The following FLT1 variants were observed in gnomAD, a reference collection of about 807,000 sequenced individuals.
FLT1 encodes fms related receptor tyrosine kinase 1.
A neutral mutation model predicts 156.3 loss-of-function variants in FLT1; 49 were observed. That is an observed-to-expected ratio of 0.31 (90% confidence interval 0.25 to 0.40). The LOEUF (loss-of-function observed/expected upper bound fraction) is 0.40. Among genes scored for constraint, FLT1 ranks in the 10% least tolerant of loss-of-function variants. The pLI, the probability that FLT1 is intolerant of heterozygous loss-of-function variation, is 1.00. For missense variants in FLT1, 1,322 were observed against 1,637.2 expected (o/e 0.81, Z 3.32); for synonymous variants, 594 against 583.8 (o/e 1.02, Z -0.25).
chr13:28,320,532 G>A (rs1176200762), intron 23 of FLT1, among the ~76,000 whole-genome samples: 2 of 150,684 alleles, frequency 1.3e-5, no homozygotes, highest in East Asian at 1.9e-4. Context: ...AACATGATGA[G>A]ATTTGTTTGC....
intron 29 of FLT1, among the ~76,000 whole-genome samples, chr13:28,304,323 T>C (rs1414145973): frequency 1.3e-5 from 2 of 152,196 alleles, no homozygotes; most frequent in Non-Finnish European, 1.5e-5. Context: ...AACTCAATTC[T>C]AATACCACTG....
At chr13:28,477,429 T>C (rs77445888) in intron 1 of FLT1, among the ~76,000 whole-genome samples, 3,167 of 152,266 alleles carry the variant, frequency 0.021, 120 homozygotes, top group African/African-American at 0.071. Flanking sequence ...AAAAACCACC[T>C]CCATAGAGCT....
At chr13:28,368,587 T>C (rs1226289290) in intron 14 of FLT1, 3 of 1,502,358 alleles carry the variant, frequency 2.0e-6, no homozygotes, top group African/African-American at 1.4e-5. Flanking sequence ...GCTATGATGA[T>C]GATGATGATG....
At chr13:28,327,044 T>C (rs1343500594) in intron 20 of FLT1, among the ~76,000 whole-genome samples, 2 of 152,248 alleles carry the variant, frequency 1.3e-5, no homozygotes, top group African/African-American at 4.8e-5. Flanking sequence ...AGTCACTCAG[T>C]TGATTTAGCC....
intron 25 of FLT1, among the ~76,000 whole-genome samples, chr13:28,312,495 A>G (rs1871045336): frequency 6.6e-6 from 1 of 152,022 alleles, no homozygotes; most frequent in African/African-American, 2.4e-5. Context: ...CAGAAGTAGG[A>G]CGATGTCCTT....
chr13:28,399,172 A>C, intron 11 of FLT1: 24 of 1,304,920 alleles, frequency 1.8e-5, no homozygotes, highest in Non-Finnish European at 2.4e-5. Flanking sequence ...ACATTGTCTC[A>C]GGAAGCTTAG....
intron 10 of FLT1, among the ~76,000 whole-genome samples, chr13:28,421,444 T>C (rs1876992657): frequency 6.6e-6 from 1 of 152,130 alleles, no homozygotes; most frequent in African/African-American, 2.4e-5. Context: ...CATGCCTTCA[T>C]TTGTTTGGGC....
chr13:28,327,347 A>C, intron 20 of FLT1, 115 bp downstream of exon 20: 1 of 719,266 alleles, frequency 1.4e-6, no homozygotes, highest in South Asian at 1.5e-5. Flanking sequence ...GCAGAGATTG[A>C]GTTTTAAGTT....
intron 10 of FLT1, among the ~76,000 whole-genome samples, chr13:28,421,485 G>A (rs1008703898): frequency 6.6e-6 from 1 of 152,158 alleles, no homozygotes; most frequent in Admixed American, 6.5e-5. Flanking sequence ...GGTCCAGGTT[G>A]GCACTGCGGA....
chr13:28,360,846 C>T (rs962212334), intron 14 of FLT1, among the ~76,000 whole-genome samples: 3 of 152,134 alleles, frequency 2.0e-5, no homozygotes, highest in Non-Finnish European at 4.4e-5. Flanking sequence ...TAAGTGTTCC[C>T]ACCACAAAGA....
intron 27 of FLT1, among the ~76,000 whole-genome samples, chr13:28,310,186 G>A (rs1363263338): frequency 3.3e-5 from 5 of 152,136 alleles, no homozygotes; most frequent in African/African-American, 9.6e-5. Context: ...CACTGTGCCC[G>A]GCCGCAAGCA....
At chr13:28,349,486 G>A (rs1042680448) in intron 15 of FLT1, among the ~76,000 whole-genome samples, 9 of 149,242 alleles carry the variant, frequency 6.0e-5, no homozygotes, top group South Asian at 2.1e-4. Context: ...ACACACACAC[G>A]CACACATTCT....
chr13:28,368,208 C>T, intron 14 of FLT1: 1 of 311,050 alleles, frequency 3.2e-6, no homozygotes. Flanking sequence ...GGCTGGAGTG[C>T]AGTACACGAT....
chr13:28,304,304 A>C (rs1566275883), intron 29 of FLT1, among the ~76,000 whole-genome samples: 2 of 152,118 alleles, frequency 1.3e-5, no homozygotes, highest in African/African-American at 2.4e-5. Flanking sequence ...GGTGCCTCTG[A>C]TCTACTGTAA....
intron 3 of FLT1, among the ~76,000 whole-genome samples, chr13:28,445,747 A>C (rs1461800341): frequency 6.6e-6 from 1 of 152,198 alleles, no homozygotes; most frequent in African/African-American, 2.4e-5. Context: ...AACATAAAGA[A>C]CTAATACCAA....
chr13:28,363,708 G>A (rs999159270), intron 14 of FLT1, among the ~76,000 whole-genome samples: 1 of 151,816 alleles, frequency 6.6e-6, no homozygotes, highest in African/African-American at 2.4e-5. Context: ...TTGCCTCCTG[G>A]GTTCAAGTGA....
At chr13:28,494,074 G>A (rs1393484749) in intron 1 of FLT1, among the ~76,000 whole-genome samples, 1 of 152,230 alleles carries the variant, frequency 6.6e-6, no homozygotes, top group Non-Finnish European at 1.5e-5. Flanking sequence ...CCGGGTGGCT[G>A]AGCGCAGCGC....
chr13:28,321,468 CT>C lies in FLT1; in HGVS notation c.3168del (p.Gly1057GlufsTer7), dbSNP rs2138830020. 1 of 1,614,080 alleles carries C rather than the reference CT, an allele frequency of 6.2e-7. No homozygotes were observed. Among genetic ancestry groups the C allele is most frequent in the East Asian group, 2.2e-5 (1 of 44,888 alleles). Reference sequence around the variant, plus strand: ...TAAACATCAAACTGACTTACATCTCCTTTTCTCACATAATCGGGGTTCTTAT... The same window carrying C: ...TAAACATCAAACTGACTTACATCTCCTTTCTCACATAATCGGGGTTCTTAT... ...DIYKNPDYVR[K>X]GDTRLPLKWM... On this transcript the variant is annotated frameshift_variant, in exon 23 of 30. Transcript: ENST00000282397. LOFTEE classifies it high-confidence loss of function.
chr13:28,449,522 T>C (rs751820996), intron 3 of FLT1, among the ~76,000 whole-genome samples: 81 of 152,282 alleles, frequency 5.3e-4, no homozygotes, highest in African/African-American at 1.9e-3. Flanking sequence ...TGGATTCATA[T>C]ACAAATTCAA....
Sources: allele counts gnomAD v4.1 joint callset (sites outside exome capture counted in the v4.1 genomes callset), GRCh38; gene constraint gnomAD v4.1.1; transcripts MANE v1.5; gene names NCBI Gene and HGNC (gene_info 2026-07-23, HGNC 2026-07-21).